The following ZNF521 variants were observed in gnomAD, a reference collection of about 807,000 sequenced individuals.
ZNF521 encodes the protein zinc finger protein 521.
ZNF521 carries 14 observed loss-of-function variants against 105.5 expected under a neutral mutation model. That is an observed-to-expected ratio of 0.13 (90% CI 0.09 to 0.21). The LOEUF is 0.21. ZNF521 is among the 10% of genes least tolerant of loss of function. The probability of loss-of-function intolerance (pLI) is 1.00; values close to 1 mark genes in which losing one functional copy is unlikely to be tolerated. For synonymous variants in ZNF521, 635 were observed against 606.0 expected (o/e 1.05, Z -0.70); for missense variants, 1,233 against 1,629.7 (o/e 0.76, Z 4.19).
intron 4 of ZNF521, among the ~76,000 whole-genome samples, chr18:25,198,763 TAGA>T (rs2035943365): frequency 3.3e-5 from 5 of 152,048 alleles, no homozygotes; most frequent in East Asian, 3.9e-4. Flanking sequence ...CTTTTCTTTA[TAGA>T]AGAATGACAG....
At chr18:25,095,455 T>A (rs1273296216) in intron 5 of ZNF521, among the ~76,000 whole-genome samples, 1 of 152,204 alleles carries the variant, frequency 6.6e-6, no homozygotes, top group Non-Finnish European at 1.5e-5. Context: ...CCATTAAGGA[T>A]ATAATAGGCT....
At chr18:25,150,275 CAGGGGGT>C (rs1286278007) in intron 5 of ZNF521, among the ~76,000 whole-genome samples, 1 of 152,046 alleles carries the variant, frequency 6.6e-6, no homozygotes, top group Non-Finnish European at 1.5e-5. Context: ...TTTGGGGACT[CAGGGGGT>C]AAGGCTGGGA....
intron 5 of ZNF521, among the ~76,000 whole-genome samples, chr18:25,149,039 T>C (rs200986694): frequency 6.1e-5 from 3 of 49,006 alleles, no homozygotes; most frequent in Non-Finnish European, 9.5e-5. Flanking sequence ...AGGACTTTTC[T>C]TTTTTCACCA....
intron 2 of ZNF521, among the ~76,000 whole-genome samples, chr18:25,340,464 T>C (rs1022516133): frequency 1.3e-5 from 2 of 152,186 alleles, no homozygotes; most frequent in African/African-American, 4.8e-5. Flanking sequence ...TGATAAGAAA[T>C]CACAGTGGAA....
intron 3 of ZNF521, among the ~76,000 whole-genome samples, chr18:25,290,130 G>T (rs1008881225): frequency 7.2e-5 from 11 of 152,186 alleles, no homozygotes; most frequent in African/African-American, 1.2e-4. Context: ...AATTTTCATA[G>T]CAGCTATGGA....
At chr18:25,348,180 A>G (rs529066858) in intron 2 of ZNF521, among the ~76,000 whole-genome samples, 40 of 152,348 alleles carry the variant, frequency 2.6e-4, no homozygotes, top group Admixed American at 9.8e-4. Flanking sequence ...TACTAATATG[A>G]TACCAGAACA....
At chr18:25,067,012 G>A (rs4800621) in intron 7 of ZNF521, among the ~76,000 whole-genome samples, 21,745 of 152,180 alleles carry the variant, frequency 0.14, 1,702 homozygotes, top group East Asian at 0.2. Flanking sequence ...AACATTGGTG[G>A]AGGTGGGGGG....
intron 2 of ZNF521, among the ~76,000 whole-genome samples, chr18:25,341,562 T>C (rs993878886): frequency 6.6e-6 from 1 of 152,228 alleles, no homozygotes; most frequent in African/African-American, 2.4e-5. Context: ...AAAAGTTCTA[T>C]ATATTGTGCT....
chr18:25,305,411 G>A (rs1292830159), intron 3 of ZNF521, among the ~76,000 whole-genome samples: 1 of 152,158 alleles, frequency 6.6e-6, no homozygotes, highest in Non-Finnish European at 1.5e-5. Flanking sequence ...ATCCATTCAT[G>A]ACTATCTTCT....
At chr18:25,088,570 A>T (rs2144203820) in intron 7 of ZNF521, among the ~76,000 whole-genome samples, 1 of 152,252 alleles carries the variant, frequency 6.6e-6, no homozygotes, top group African/African-American at 2.4e-5. Context: ...AACCAATAAG[A>T]TTGAACAAAA....
chr18:25,348,880 C>T (rs1186795652), intron 2 of ZNF521, among the ~76,000 whole-genome samples: 1 of 152,136 alleles, frequency 6.6e-6, no homozygotes. Context: ...GACGGATTCC[C>T]TTTACTGCCC....
intron 4 of ZNF521, among the ~76,000 whole-genome samples, chr18:25,199,148 T>G (rs1366780976): frequency 6.6e-6 from 1 of 151,858 alleles, no homozygotes; most frequent in African/African-American, 2.4e-5. Context: ...GAACAAATAT[T>G]ACTATGAGAA....
intron 7 of ZNF521, among the ~76,000 whole-genome samples, chr18:25,067,017 G>A (rs573949141): frequency 6.6e-6 from 1 of 152,254 alleles, no homozygotes; most frequent in East Asian, 1.9e-4. Flanking sequence ...TGGTGGAGGT[G>A]GGGGGTGAAG....
intron 3 of ZNF521, among the ~76,000 whole-genome samples, chr18:25,241,341 G>C (rs1004021398): frequency 2.2e-4 from 33 of 152,180 alleles, no homozygotes; most frequent in African/African-American, 8.0e-4. Flanking sequence ...CACTGTCCTT[G>C]AAAACTGTAG....
In ZNF521 at chr18:25,225,390, C is replaced by T. The variant is rs1415778863; in HGVS notation, c.2528G>A (p.Gly843Glu). ...CACTTGCTCGGAAGCTCCATTTGTT[C>T]CACAGTTGGGTGTCTTGGTTTCGAA... Reference protein sequence around the residue: ...CVFETKTPNCGTNGASEQVQK... With the variant: ...CVFETKTPNCETNGASEQVQK... Residue 843 changes from glycine (G) to glutamate (E), a missense_variant, in exon 4 of 8, where the codon GGA becomes GAA. Gly to Glu is a moderately conservative substitution (Grantham distance 98). Transcript: ENST00000361524. The surrounding 1 kb of genome is among the most constrained non-coding windows in gnomAD (Gnocchi z 5.6). 1 of 1,614,164 alleles carries T rather than the reference C, an allele frequency of 6.2e-7. No individual in the cohort carries two copies. Among genetic ancestry groups the T allele is most frequent in the Non-Finnish European group, 8.5e-7 (1 of 1,180,024 alleles).
intron 3 of ZNF521, among the ~76,000 whole-genome samples, chr18:25,266,666 T>C (rs1909274798): frequency 6.6e-6 from 1 of 152,018 alleles, no homozygotes; most frequent in Admixed American, 6.5e-5. Context: ...TTCCCTCCCC[T>C]AGCCAAGGGA....
At chr18:25,206,128 C>T (rs1335235930) in intron 4 of ZNF521, among the ~76,000 whole-genome samples, 1 of 152,088 alleles carries the variant, frequency 6.6e-6, no homozygotes, top group African/African-American at 2.4e-5. Flanking sequence ...CTCAGCCTCC[C>T]GAGTAGCTAA....
intron 4 of ZNF521, among the ~76,000 whole-genome samples, chr18:25,211,661 T>A (rs924422519): frequency 2.0e-5 from 3 of 152,214 alleles, no homozygotes; most frequent in African/African-American, 7.2e-5. Flanking sequence ...GTGTTATAAA[T>A]TTGTTTTATA....
chr18:25,333,364 G>A (rs556098593), intron 2 of ZNF521, among the ~76,000 whole-genome samples: 16 of 150,702 alleles, frequency 1.1e-4, no homozygotes, highest in East Asian at 7.8e-4. Flanking sequence ...ATATATACGC[G>A]GAGGGAGCAT....
Sources: allele counts gnomAD v4.1 joint callset (sites outside exome capture counted in the v4.1 genomes callset), GRCh38; gene constraint gnomAD v4.1.1; non-coding constraint Gnocchi (gnomAD v3.1); transcripts MANE v1.5; gene names NCBI Gene and HGNC (gene_info 2026-07-23, HGNC 2026-07-21).